The following HIBADH variants were observed in gnomAD, a reference collection of about 807,000 sequenced individuals.
The protein encoded by HIBADH is 3-hydroxyisobutyrate dehydrogenase, mitochondrial.
A neutral mutation model predicts 36.1 loss-of-function variants in HIBADH; 25 were observed. The ratio of observed to expected loss-of-function variants is 0.69; its 90% CI spans 0.50 to 0.97. The LOEUF (loss-of-function observed/expected upper bound fraction) is 0.97, where lower values mean the gene tolerates loss of function less well. Ranked by LOEUF, HIBADH falls within the 50% of genes least tolerant of loss-of-function variation. The probability of loss-of-function intolerance (pLI) is 0.00; values close to 1 mark genes in which losing one functional copy is unlikely to be tolerated. For synonymous variants in HIBADH, 160 were observed against 149.5 expected (o/e 1.07, Z -0.51); for missense variants, 421 against 418.0 (o/e 1.01, Z -0.06).
intron 3 of HIBADH, 53 bp downstream of exon 3, chr7:27,632,283 G>A: frequency 2.5e-6 from 3 of 1,179,618 alleles, no homozygotes; most frequent in East Asian, 2.3e-5. Flanking sequence ...TCTAACATGT[G>A]AAATTCATGA....
intron 4 of HIBADH, among the ~76,000 whole-genome samples, chr7:27,594,892 A>G (rs1248265566): frequency 1.3e-5 from 2 of 152,208 alleles, no homozygotes; most frequent in East Asian, 3.8e-4. Flanking sequence ...TTTTAAAAGA[A>G]AAAGTAATCT....
intron 4 of HIBADH, among the ~76,000 whole-genome samples, chr7:27,553,342 C>T (rs184864606): frequency 1.1e-3 from 173 of 152,252 alleles, no homozygotes; most frequent in Non-Finnish European, 2.2e-3. Context: ...AAGCAATAGC[C>T]GTTCTTCTAT....
intron 4 of HIBADH, among the ~76,000 whole-genome samples, chr7:27,548,380 G>C (rs533465993): frequency 4.4e-4 from 67 of 152,122 alleles, no homozygotes; most frequent in African/African-American, 1.5e-3. Context: ...TCTTGTGCTT[G>C]TGATGGTTGG....
rs371150821 is a variant in HIBADH at position 27,569,417 on chromosome 7, T to A, written c.485-26317A>T. ...TTTGGGATATAAGATGCTATGAGACTCTGGGTCTTGCTCCAATTCTATGAA... is the reference window on the plus strand; with the variant it reads ...TTTGGGATATAAGATGCTATGAGACACTGGGTCTTGCTCCAATTCTATGAA... On this transcript the variant is annotated intron_variant, in intron 4 of 7. Coordinates refer to ENST00000265395, the MANE Select transcript of HIBADH (RefSeq NM_152740.4). Among the ~76,000 whole-genome samples, 11 of 152,240 alleles carry A rather than the reference T, an allele frequency of 7.2e-5. No homozygotes were observed. In the East Asian group the frequency reaches 1.7e-3, roughly 24 times the overall value.
intron 4 of HIBADH, among the ~76,000 whole-genome samples, chr7:27,572,751 A>G (rs1784647013): frequency 6.6e-6 from 1 of 152,188 alleles, no homozygotes; most frequent in Non-Finnish European, 1.5e-5. Flanking sequence ...TCTTCTGTAT[A>G]CAAGGAACCC....
At chr7:27,560,273 C>T (rs1233936408) in intron 4 of HIBADH, among the ~76,000 whole-genome samples, 1 of 152,154 alleles carries the variant, frequency 6.6e-6, no homozygotes, top group Non-Finnish European at 1.5e-5. Context: ...AGGCGTGCAC[C>T]ACCACGCCTA....
Position 27,585,993 on chromosome 7 carries a change from T to C in HIBADH, c.485-42893A>G, listed in dbSNP as rs75865132. On this transcript the variant is annotated intron_variant, in intron 4 of 7. Transcript: ENST00000265395. ...CTAAGAAGATAGGTGGTTATGTAAT[T>C]CCTCCACATAAATTCAGTCCACCTG... 8.7e-3 allele frequency among the ~76,000 whole-genome samples: 1,332 copies of C among 152,352 alleles called. 17 individuals carry two copies. Among genetic ancestry groups the C allele is most frequent in the Non-Finnish European group, 0.01 (707 of 68,036 alleles).
intron 3 of HIBADH, among the ~76,000 whole-genome samples, chr7:27,631,335 T>C (rs1785742529): frequency 6.6e-6 from 1 of 152,202 alleles, no homozygotes; most frequent in African/African-American, 2.4e-5. Context: ...TCTTATCAGT[T>C]TTCTGCCTAA....
chr7:27,637,371 T>G (rs1390088242), intron 2 of HIBADH, among the ~76,000 whole-genome samples: 2 of 152,232 alleles, frequency 1.3e-5, no homozygotes, highest in African/African-American at 4.8e-5. Flanking sequence ...TATTAAGATC[T>G]GATCATTATT....
chr7:27,653,284 T>C lies in HIBADH; in HGVS notation c.92-3651A>G, dbSNP rs535789319. Among the ~76,000 whole-genome samples the C allele has an allele frequency of 5.3e-5, 8 of 152,190 alleles. No homozygotes were observed. The South Asian group carries it at 1.7e-3, about 32-fold the overall frequency. On this transcript the variant is annotated intron_variant, in intron 1 of 7. Transcript: ENST00000265395. ...AGAAGTAAAAGGATAAAACAATGGA[T>C]TGGATTATAGGCTAAAATAAGGGTG...
chr7:27,562,172 TC>T (rs1381025786), intron 4 of HIBADH, among the ~76,000 whole-genome samples: 3 of 152,102 alleles, frequency 2.0e-5, no homozygotes, highest in Non-Finnish European at 4.4e-5. Flanking sequence ...TTAAATTGAT[TC>T]AGGAGTTGTT....
At chr7:27,532,313 A>C (rs1335981606) in intron 6 of HIBADH, among the ~76,000 whole-genome samples, 2 of 152,360 alleles carry the variant, frequency 1.3e-5, no homozygotes, top group East Asian at 3.9e-4. Flanking sequence ...AACAATTGTC[A>C]TAAAAGCTTT....
intron 5 of HIBADH, 35 bp downstream of exon 5, chr7:27,542,929 ACAT>A: frequency 1.9e-6 from 3 of 1,593,370 alleles, no homozygotes; most frequent in Non-Finnish European, 2.6e-6. Context: ...AGTCAATTTT[ACAT>A]CATCAAGTCA....
At chr7:27,661,819 T>C (rs1035977667) in intron 1 of HIBADH, among the ~76,000 whole-genome samples, 5 of 152,154 alleles carry the variant, frequency 3.3e-5, no homozygotes, top group African/African-American at 1.2e-4. Context: ...AGAGGAGTCC[T>C]GGTGTGATAG....
intron 4 of HIBADH, among the ~76,000 whole-genome samples, chr7:27,603,564 A>T (rs911678142): frequency 1.1e-4 from 16 of 152,148 alleles, no homozygotes; most frequent in African/African-American, 3.6e-4. Context: ...AGTATTAAAA[A>T]TACTATAAAG....
chr7:27,638,484 A>G (rs1356757822), intron 2 of HIBADH, among the ~76,000 whole-genome samples: 1 of 152,144 alleles, frequency 6.6e-6, no homozygotes, highest in Non-Finnish European at 1.5e-5. Flanking sequence ...TAAAGCTATA[A>G]AAACCTGGAA....
intron 4 of HIBADH, among the ~76,000 whole-genome samples, chr7:27,575,772 T>C (rs560051651): frequency 1.3e-5 from 2 of 152,316 alleles, no homozygotes; most frequent in South Asian, 2.1e-4. Context: ...CTTGAGCAAC[T>C]AGCCTAGCCT....
intron 1 of HIBADH, among the ~76,000 whole-genome samples, chr7:27,658,482 G>C (rs997790014): frequency 6.6e-6 from 1 of 152,092 alleles, no homozygotes; most frequent in African/African-American, 2.4e-5. Context: ...TGTAACAAGG[G>C]GAGTTATCCG....
chr7:27,588,540 A>G (rs1355212364), intron 4 of HIBADH, among the ~76,000 whole-genome samples: 1 of 152,108 alleles, frequency 6.6e-6, no homozygotes, highest in Non-Finnish European at 1.5e-5. Context: ...TGTGTTGCCC[A>G]TGCTGTTCTC....
Sources: allele counts gnomAD v4.1 joint callset (sites outside exome capture counted in the v4.1 genomes callset), GRCh38; gene constraint gnomAD v4.1.1; transcripts MANE v1.5; gene names NCBI Gene and HGNC (gene_info 2026-07-23, HGNC 2026-07-21).